Variants in KDR observed in about 807,000 individuals in gnomAD.
KDR encodes the protein vascular endothelial growth factor receptor 2.
Under a neutral mutation model 160.9 loss-of-function variants are expected in KDR, and 43 were observed. That is an observed-to-expected ratio of 0.27 (90% CI 0.21 to 0.34). The LOEUF (loss-of-function observed/expected upper bound fraction) is 0.34. KDR is among the 10% of genes least tolerant of loss of function. KDR has a pLI of 1.00. For synonymous variants in KDR, 617 were observed against 600.1 expected (o/e 1.03, Z -0.41); for missense variants, 1,469 against 1,666.4 (o/e 0.88, Z 2.06).
At chr4:55,081,702 T>C (rs1719738797) in intron 29 of KDR, among the ~76,000 whole-genome samples, 1 of 152,242 alleles carries the variant, frequency 6.6e-6, no homozygotes, top group Non-Finnish European at 1.5e-5. Flanking sequence ...ACAGTAAATA[T>C]ACACAGAAAT....
At chr4:55,080,271 C>T (rs747708466) in intron 29 of KDR, 108 bp from the exon 30 acceptor site, 9 of 909,118 alleles carry the variant, frequency 9.9e-6, no homozygotes, top group East Asian at 2.6e-5. Flanking sequence ...CCCTGGAGAC[C>T]GCAGCCCCGT....
At position 55,104,811 on chromosome 4, in the gene KDR, C is replaced by T. The variant is rs777299134; in HGVS notation, c.1819G>A (p.Asp607Asn). 1.2e-6 allele frequency: 2 copies of T among 1,613,952 alleles called. No homozygotes were observed. The highest frequency in any genetic ancestry group is 1.7e-6 in the Non-Finnish European group (2 of 1,179,898). ...GTGGCATTCAATTTCCAAAGAGTAT[C>T]CAAGTTCTTGCAAACAGGTGTGGGC... The part of the protein sequence containing the change: ...ELPTPVCKNL[D>N]TLWKLNATMF... The change falls in exon 13 of 30, where the codon GAT becomes AAT. Residue 607 changes from aspartate to asparagine, a missense_variant. Asp to Asn is a conservative substitution (Grantham distance 23). Coordinates refer to ENST00000263923, the MANE Select transcript of KDR (RefSeq NM_002253.4).
In KDR at chr4:55,097,680, C is replaced by T; in HGVS notation, c.2596G>A (p.Ala866Thr). The change falls in exon 18 of 30, where the codon GCA (alanine) becomes ACA (threonine). Residue 866 changes from alanine (A) to threonine (T), a missense_variant. Around this residue, in one of 7 missense-constraint regions of KDR, gnomAD observed 151 missense variants for 207.2 expected, o/e 0.73. Transcript: ENST00000263923. Reference sequence around the variant, plus strand: ...CTTTTACCTTTCAACATTTTGACTGCTACTGTCCTGCAAGTTGCTGTCTTG... The same window carrying T: ...CTTTTACCTTTCAACATTTTGACTGTTACTGTCCTGCAAGTTGCTGTCTTG... ...IDKTATCRTV[A>T]VKMLKEGATH... 1 of 1,612,634 alleles carries T rather than the reference C, an allele frequency of 6.2e-7. No homozygotes were observed. Among genetic ancestry groups the T allele is most frequent in the Non-Finnish European group, 8.5e-7 (1 of 1,178,926 alleles).
chr4:55,114,384 G>T, intron 5 of KDR, 119 bp from the exon 6 acceptor site: 1 of 1,064,818 alleles, frequency 9.4e-7, no homozygotes, highest in Non-Finnish European at 1.4e-6. Flanking sequence ...TTTCCCTGCA[G>T]GCCTCACCAA....
rs1276893117 is a variant in KDR at position 55,106,817 on chromosome 4, G to A, written c.1413-7C>T. The A allele has an allele frequency of 1.2e-6, 2 of 1,604,592 alleles. No individual in the cohort carries two copies. The highest frequency in any genetic ancestry group is 2.2e-5 in the East Asian group (1 of 44,730). ...TGTCACTGAGACAGCTTGGCTATAA[G>A]AAAGAGATAACAGCGCATATTATGA... On this transcript the variant is annotated splice_region_variant and splice_polypyrimidine_tract_variant and intron_variant, in intron 10 of 29. Coordinates refer to ENST00000263923, the MANE Select transcript of KDR (RefSeq NM_002253.4).
chr4:55,125,168 A>G lies in KDR; in HGVS notation c.67+59T>C, dbSNP rs1328298379. ...CGATTCCGAGTTAGATCTGGCTTTC[A>G]GGTCCTCTCCGCCCTCACCCGACCT... On this transcript the variant is annotated intron_variant, in intron 1 of 29. Transcript: ENST00000263923. 5.9e-5 allele frequency: 88 copies of G among 1,482,048 alleles called. No homozygotes were observed. The South Asian group carries it at 8.5e-4, about 14-fold the overall frequency. The allele number at this position is 1,482,048 out of a possible 1,614,324, so 91.8% of individuals were successfully genotyped here.
At chr4:55,106,902 G>T (rs976806165) in intron 10 of KDR, 92 bp from the exon 11 acceptor site, 30 of 1,171,436 alleles carry the variant, frequency 2.6e-5, no homozygotes, top group Non-Finnish European at 3.8e-5. Flanking sequence ...TGGTTATTCT[G>T]TTCTTAGAAA....
chr4:55,097,805 G>T (rs1720200390), intron 17 of KDR, 39 bp from the exon 18 acceptor site: 1 of 1,412,254 alleles, frequency 7.1e-7, no homozygotes. Context: ...AACAGACTTG[G>T]ATTACTATAC....
intron 13 of KDR, among the ~76,000 whole-genome samples, chr4:55,102,893 T>C (rs1285893240): frequency 2.0e-5 from 3 of 152,198 alleles, no homozygotes; most frequent in Admixed American, 6.5e-5. Flanking sequence ...AATTTTAGTA[T>C]CATTCAACCA....
intron 6 of KDR, among the ~76,000 whole-genome samples, chr4:55,113,831 A>T (rs1399856659): frequency 1.3e-5 from 2 of 152,228 alleles, no homozygotes. Flanking sequence ...TTTGGAGAAC[A>T]GAGAAATGAC....
In KDR at chr4:55,089,994, C is replaced by T. The variant is rs2110011558; in HGVS notation, c.3154G>A (p.Asp1052Asn). 1 of 1,614,084 alleles carries T rather than the reference C, an allele frequency of 6.2e-7. No homozygotes were observed. The highest frequency in any genetic ancestry group is 1.1e-5 in the South Asian group (1 of 91,074). The change falls in exon 23 of 30, where the codon GAT (aspartate) becomes AAT (asparagine). Residue 1052 changes from aspartate (D) to asparagine (N), a missense_variant. Physicochemically the swap from Asp to Asn is conservative, Grantham distance 23. Around this residue, in one of 7 missense-constraint regions of KDR, gnomAD observed 132 missense variants for 195.9 expected, o/e 0.67. Transcript: ENST00000263923. Reference protein sequence around the residue: ...VKICDFGLARDIYKDPDYVRK... With the variant: ...VKICDFGLARNIYKDPDYVRK... ...ACATAATCTGGATCTTTATAAATATCCCGGGCCAAGCCAAAGTCACAGATT... is the reference window on the plus strand; with the variant it reads ...ACATAATCTGGATCTTTATAAATATTCCGGGCCAAGCCAAAGTCACAGATT...
rs1578134591 is a variant in KDR, at chr4:55,104,665, C to A, written c.1965G>T (p.Val655=). ...TACCTAGGACTGTGAGCTGCCTGACCACGCAATGTCTTTTCTTGGTCTTCC... is the reference window on the plus strand; with the variant it reads ...TACCTAGGACTGTGAGCTGCCTGACAACGCAATGTCTTTTCTTGGTCTTCC... ...QDRKTKKRHC[V]VRQLTVLERV... is the part of the protein sequence containing the mutation. The change falls in exon 13 of 30, where the codon GTG becomes GTT. Residue 655 remains valine (V), a synonymous_variant. Coordinates refer to ENST00000263923, the MANE Select transcript of KDR (RefSeq NM_002253.4). 1 of 1,613,636 alleles carries A rather than the reference C, an allele frequency of 6.2e-7. No homozygotes were observed. The highest frequency in any genetic ancestry group is 2.2e-5 in the East Asian group (1 of 44,850).
At chr4:55,125,189 G>T in intron 1 of KDR, 38 bp downstream of exon 1, 1 of 1,591,290 alleles carries the variant, frequency 6.3e-7, no homozygotes, top group Non-Finnish European at 8.6e-7. Flanking sequence ...GCCCTCACCC[G>T]ACCTGTCTGC....
intron 1 of KDR, among the ~76,000 whole-genome samples, chr4:55,123,755 A>G (rs1415870258): frequency 6.6e-5 from 10 of 152,206 alleles, no homozygotes; most frequent in Admixed American, 5.9e-4. Flanking sequence ...CATAACCAAT[A>G]TTAATTAATT....
At position 55,113,318 on chromosome 4, in the gene KDR, A is replaced by C. The variant is rs948522767; in HGVS notation, c.962T>G (p.Phe321Cys). The change falls in exon 7 of 30, where the codon TTT becomes TGT. Residue 321 changes from phenylalanine to cysteine, a missense_variant. Coordinates refer to ENST00000263923, the MANE Select transcript of KDR (RefSeq NM_002253.4). Reference sequence around the variant, plus strand: ...CCATAGCTTACCATGGACCCTGACAAATGTGCTGTTCTTCTTGGTCATCAG... The same window carrying C: ...CCATAGCTTACCATGGACCCTGACACATGTGCTGTTCTTCTTGGTCATCAG... ...SGLMTKKNST[F>C]VRVHEKPFVA... The C allele has an allele frequency of 6.2e-7, 1 of 1,614,084 alleles. No individual in the cohort carries two copies. Among genetic ancestry groups the C allele is most frequent in the Non-Finnish European group, 8.5e-7 (1 of 1,179,952 alleles).
intron 29 of KDR, among the ~76,000 whole-genome samples, chr4:55,081,034 C>G (rs1452373546): frequency 6.6e-6 from 1 of 152,236 alleles, no homozygotes; most frequent in Non-Finnish European, 1.5e-5. Context: ...GTAGGTGTCT[C>G]AAGCAATGGC....
chr4:55,114,003 ATG>A, intron 6 of KDR, 121 bp downstream of exon 6: 11 of 927,882 alleles, frequency 1.2e-5, no homozygotes, highest in Non-Finnish European at 1.8e-5. Flanking sequence ...GTGGGTGTGT[ATG>A]TGTGTGTGTT....
intron 29 of KDR, among the ~76,000 whole-genome samples, chr4:55,080,871 G>GT (rs1719714788): frequency 1.3e-5 from 2 of 152,132 alleles, no homozygotes; most frequent in South Asian, 2.1e-4. Flanking sequence ...ATTCTAAGGT[G>GT]TTTTTTCCCG....
chr4:55,115,226 A>C (rs1206419136), intron 4 of KDR, 55 bp downstream of exon 4: 19 of 1,481,358 alleles, frequency 1.3e-5, no homozygotes, highest in Non-Finnish European at 1.8e-5. Context: ...ACCCATCTTA[A>C]TATTAGCTTA....
Sources: allele counts gnomAD v4.1 joint callset (sites outside exome capture counted in the v4.1 genomes callset), GRCh38; gene constraint gnomAD v4.1.1; regional missense constraint gnomAD v4.1.1; transcripts MANE v1.5; gene names NCBI Gene and HGNC (gene_info 2026-07-23, HGNC 2026-07-21).